The following NEDD4L variants were observed in gnomAD, a reference collection of about 807,000 sequenced individuals.
NEDD4L encodes NEDD4 like E3 ubiquitin protein ligase.
A neutral mutation model predicts 148.9 loss-of-function variants in NEDD4L; 54 were observed. The observed-to-expected ratio is 0.36, with a 90% CI of 0.29 to 0.45. The LOEUF is 0.45. Ranked by LOEUF, NEDD4L falls within the 20% of genes least tolerant of loss-of-function variation. NEDD4L has a pLI of 1.00. For missense variants in NEDD4L, 856 were observed against 1,233.8 expected (o/e 0.69, Z 4.59); for synonymous variants, 433 against 440.7 (o/e 0.98, Z 0.22).
At chr18:58,185,018 A>G (rs2147068626) in intron 2 of NEDD4L, among the ~76,000 whole-genome samples, 1 of 152,274 alleles carries the variant, frequency 6.6e-6, no homozygotes, top group East Asian at 1.9e-4. Context: ...GGGAGGGTGA[A>G]TTAGGCCATT....
intron 30 of NEDD4L, among the ~76,000 whole-genome samples, chr18:58,393,586 A>G (rs1218281665): frequency 6.6e-6 from 1 of 152,172 alleles, no homozygotes; most frequent in Non-Finnish European, 1.5e-5. Flanking sequence ...GATGGAGAGG[A>G]CTGGCAGTTG....
intron 2 of NEDD4L, among the ~76,000 whole-genome samples, chr18:58,236,467 C>T (rs2046032970): frequency 6.6e-6 from 1 of 152,226 alleles, no homozygotes; most frequent in African/African-American, 2.4e-5. Context: ...CTCCCAGACT[C>T]ACTCATGAGA....
At chr18:58,074,616 A>G (rs372188563) in intron 1 of NEDD4L, among the ~76,000 whole-genome samples, 95 of 152,088 alleles carry the variant, frequency 6.2e-4, no homozygotes, top group African/African-American at 2.1e-3. Context: ...GAACAAGGCC[A>G]TAGAGATGAT....
chr18:58,161,098 C>A (rs926295487), intron 1 of NEDD4L, among the ~76,000 whole-genome samples: 14 of 152,212 alleles, frequency 9.2e-5, no homozygotes, highest in African/African-American at 3.4e-4. Context: ...CTCACTGCAA[C>A]CTCCGCCTCC....
At chr18:58,281,308 C>CTT (rs113081403) in intron 5 of NEDD4L, among the ~76,000 whole-genome samples, 45 of 146,354 alleles carry the variant, frequency 3.1e-4, no homozygotes, top group Middle Eastern at 3.5e-3. Flanking sequence ...AGTCTCTCTC[C>CTT]TTTTTTTTTT....
intron 1 of NEDD4L, among the ~76,000 whole-genome samples, chr18:58,158,358 A>G (rs1370897058): frequency 1.3e-5 from 2 of 152,242 alleles, no homozygotes; most frequent in Non-Finnish European, 2.9e-5. Flanking sequence ...GAAAGGAGTC[A>G]CTAAATCAGA....
In NEDD4L at chr18:58,172,720, A is replaced by G. The variant is rs543184290; in HGVS notation, c.122+6859A>G. On this transcript the variant is annotated intron_variant, in intron 2 of 30. Transcript: ENST00000400345. Reference sequence around the variant, plus strand: ...ATGTAATGTCATTAGATTCTGCCTAAATCTTGTGAAGAGGGGATTTCCATT... The same window carrying G: ...ATGTAATGTCATTAGATTCTGCCTAGATCTTGTGAAGAGGGGATTTCCATT... Among the ~76,000 whole-genome samples the G allele has an allele frequency of 2.6e-5, 4 of 152,306 alleles. No homozygotes were observed. The South Asian group carries it at 8.3e-4, about 32-fold the overall frequency.
intron 2 of NEDD4L, among the ~76,000 whole-genome samples, chr18:58,220,472 C>T (rs1252613513): frequency 1.3e-5 from 2 of 152,134 alleles, no homozygotes; most frequent in African/African-American, 4.8e-5. Flanking sequence ...CTAGCTGAAC[C>T]CTGGTGCCCA....
At position 58,177,685 on chromosome 18, in the gene NEDD4L, A is replaced by G. The variant is rs190457520; in HGVS notation, c.122+11824A>G. 9.7e-4 allele frequency among the ~76,000 whole-genome samples: 148 copies of G among 152,382 alleles called. 1 individual carries two copies. The highest frequency in any genetic ancestry group is 3.4e-3 in the Middle Eastern group (1 of 294). On this transcript the variant is annotated intron_variant, in intron 2 of 30. Coordinates refer to ENST00000400345, the MANE Select transcript of NEDD4L (RefSeq NM_001144967.3). The stretch of plus-strand genomic sequence containing the variant: ...CTTCTACCCAAAAGTCATGCTTTTA[A>G]AAACGCACAATCTTGAATCCATTTG...
intron 5 of NEDD4L, among the ~76,000 whole-genome samples, chr18:58,292,580 A>G (rs1382305267): frequency 1.3e-5 from 2 of 152,118 alleles, no homozygotes; most frequent in Non-Finnish European, 2.9e-5. Flanking sequence ...CCTGGCTCAC[A>G]TTACATGCTT....
chr18:58,184,087 A>T (rs960318736), intron 2 of NEDD4L, among the ~76,000 whole-genome samples: 5 of 152,036 alleles, frequency 3.3e-5, no homozygotes, highest in Admixed American at 6.6e-5. Context: ...GAGAATGGCG[A>T]GAACCTGGGA....
chr18:58,259,982 AT>A (rs2049135001), intron 5 of NEDD4L, among the ~76,000 whole-genome samples: 1 of 152,156 alleles, frequency 6.6e-6, no homozygotes. Flanking sequence ...ATTTTTTGAC[AT>A]TAATATTAGT....
At chr18:58,082,882 T>C (rs2083544621) in intron 1 of NEDD4L, among the ~76,000 whole-genome samples, 1 of 152,180 alleles carries the variant, frequency 6.6e-6, no homozygotes, top group Non-Finnish European at 1.5e-5. Flanking sequence ...TACATATTTT[T>C]GTGTTCTTGG....
intron 16 of NEDD4L, among the ~76,000 whole-genome samples, chr18:58,345,926 T>TTTG (rs2042994148): frequency 7.3e-6 from 1 of 137,680 alleles, no homozygotes; most frequent in African/African-American, 2.9e-5. Context: ...GTTTTTTGTT[T>TTTG]TTTGTTTTTT....
At chr18:58,228,247 A>G (rs1272418809) in intron 2 of NEDD4L, among the ~76,000 whole-genome samples, 2 of 136,298 alleles carry the variant, frequency 1.5e-5, no homozygotes, top group African/African-American at 5.9e-5. Context: ...AAATGGACAC[A>G]TAAGTAAACA....
chr18:58,341,744 C>T lies in NEDD4L; in HGVS notation c.1324C>T (p.Arg442Cys), dbSNP rs762946023. Residue 442 changes from arginine (R) to cysteine (C), a missense_variant, in exon 15 of 31, where the codon CGC (arginine) becomes TGC (cysteine). Arg to Cys is a radical substitution (Grantham distance 180). This residue lies in a region of NEDD4L where 367 missense variants were observed against 422.7 expected (regional missense o/e 0.87). Transcript: ENST00000400345. ...CAACCATCTAATCGAGCCTCAGATC[C>T]GCCGGCCTCGTAGCCTCAGCTCGCC... ...SNNHLIEPQI[R>C]RPRSLSSPTV... 7 of 1,613,876 alleles carry T rather than the reference C, an allele frequency of 4.3e-6. No individual in the cohort carries two copies. The highest frequency in any genetic ancestry group is 3.3e-5 in the South Asian group (3 of 90,994).
intron 1 of NEDD4L, among the ~76,000 whole-genome samples, chr18:58,062,228 T>G (rs958543293): frequency 1.1e-4 from 17 of 152,086 alleles, no homozygotes; most frequent in Non-Finnish European, 2.1e-4. Flanking sequence ...ACCCAGTACG[T>G]GGGTGCACTT....
chr18:58,281,234 T>G (rs894738785), intron 5 of NEDD4L, among the ~76,000 whole-genome samples: 1 of 151,860 alleles, frequency 6.6e-6, no homozygotes, highest in African/African-American at 2.4e-5. Flanking sequence ...TGCCCTGGCC[T>G]CCCAAACTGC....
At chr18:58,224,737 T>C (rs1296354012) in intron 2 of NEDD4L, among the ~76,000 whole-genome samples, 1 of 152,254 alleles carries the variant, frequency 6.6e-6, no homozygotes, top group Non-Finnish European at 1.5e-5. Context: ...TTACCAAATA[T>C]TTCCTAAGTG....
Sources: allele counts gnomAD v4.1 joint callset (sites outside exome capture counted in the v4.1 genomes callset), GRCh38; gene constraint gnomAD v4.1.1; regional missense constraint gnomAD v4.1.1; transcripts MANE v1.5; gene names NCBI Gene and HGNC (gene_info 2026-07-23, HGNC 2026-07-21).